POU3F3: variants seen among roughly 807,000 people sequenced by gnomAD.
The protein encoded by POU3F3 is POU class 3 homeobox 3, also known as POU domain, class 3, transcription factor 3.
Under a neutral mutation model 8.6 loss-of-function variants are expected in POU3F3, and 1 was observed. The observed-to-expected ratio is 0.12, with a 90% CI of 0.04 to 0.55. The LOEUF is 0.55. Among genes scored for constraint, POU3F3 ranks in the 20% least tolerant of loss-of-function variants. The pLI is 0.91. For missense variants in POU3F3, 577 were observed against 690.7 expected (o/e 0.84, Z 1.84); for synonymous variants, 418 against 327.4 (o/e 1.28, Z -2.99).
the POU3F3 span, among the ~76,000 whole-genome samples, chr2:104,922,237 T>C: frequency 5.9e-4 from 89 of 151,868 alleles, no homozygotes; most frequent in Non-Finnish European, 1.0e-3. Context: ...CAATGTCTTG[T>C]TTTCAATTTA....
chr2:104,868,727 G>A, the POU3F3 span, among the ~76,000 whole-genome samples: 2 of 152,182 alleles, frequency 1.3e-5, no homozygotes, highest in Admixed American at 6.5e-5. Context: ...AGAGGAGGGG[G>A]AGGCAATGAG....
At chr2:104,883,844 G>A in the POU3F3 span, among the ~76,000 whole-genome samples, 1 of 152,184 alleles carries the variant, frequency 6.6e-6, no homozygotes, top group Non-Finnish European at 1.5e-5. Context: ...AAGACAGCAT[G>A]TGCTTGGGAT....
rs1424478685 is a variant in POU3F3 at position 104,856,949 on chromosome 2, A to T, written c.1439A>T (p.Gln480Leu). Residue 480 changes from glutamine to leucine, a missense_variant, in exon 1 of 1, where the codon CAG becomes CTG. Gln to Leu is a moderately radical substitution (Grantham distance 113). Transcript: ENST00000361360. ...QQQTPDDVYS[Q>L]VGTVSADTPP... The stretch of plus-strand genomic sequence containing the variant: ...CAGACGCCCGACGACGTCTACTCGC[A>T]GGTGGGCACCGTGAGCGCCGACACG... 6.2e-7 allele frequency: 1 copy of T among 1,612,882 alleles called. No homozygotes were observed. Among genetic ancestry groups the T allele is most frequent in the Non-Finnish European group, 8.5e-7 (1 of 1,179,784 alleles).
At chr2:104,924,901 T>A in the POU3F3 span, among the ~76,000 whole-genome samples, 2 of 152,214 alleles carry the variant, frequency 1.3e-5, no homozygotes, top group Admixed American at 6.5e-5. Context: ...TAGGGTATTA[T>A]GAAAATGGCC....
chr2:104,872,959 T>C, the POU3F3 span, among the ~76,000 whole-genome samples: 1 of 152,138 alleles, frequency 6.6e-6, no homozygotes, highest in Non-Finnish European at 1.5e-5. The surrounding 1 kb of genome is among the most constrained non-coding windows in gnomAD (Gnocchi z 4.6). Flanking sequence ...TAAAATTAGC[T>C]GTCGCATCTG....
At chr2:104,880,613 A>C in the POU3F3 span, among the ~76,000 whole-genome samples, 1 of 152,098 alleles carries the variant, frequency 6.6e-6, no homozygotes, top group Non-Finnish European at 1.5e-5. Flanking sequence ...GTCCATTCTG[A>C]TTTGTTTGCC....
the POU3F3 span, among the ~76,000 whole-genome samples, chr2:104,902,349 G>A: frequency 2.0e-5 from 3 of 152,166 alleles, no homozygotes; most frequent in Middle Eastern, 3.4e-3. Context: ...AGAGCATTTC[G>A]GCATTGCAGA....
At chr2:104,861,772 G>A (rs1422202302), downstream of POU3F3, among the ~76,000 whole-genome samples, 1 of 152,194 alleles carries the variant, frequency 6.6e-6, no homozygotes, top group African/African-American at 2.4e-5. Flanking sequence ...TGTGAGAAGC[G>A]TGGGGCAACC....
chr2:104,890,271 T>C, the POU3F3 span, among the ~76,000 whole-genome samples: 1 of 152,140 alleles, frequency 6.6e-6, no homozygotes, highest in Non-Finnish European at 1.5e-5. Flanking sequence ...CAGAGCCTGT[T>C]AGCAGGACTC....
Position 104,855,901 on chromosome 2 carries a change from G to A in POU3F3, c.391G>A (p.Gly131Ser). The change falls in exon 1 of 1, where the codon GGC becomes AGC. Residue 131 changes from glycine to serine, a missense_variant. This residue lies in a region of POU3F3 where 484 missense variants were observed against 422.6 expected (regional missense o/e 1.15). Coordinates refer to ENST00000361360, the MANE Select transcript of POU3F3 (RefSeq NM_006236.3). ...GTCGGGCAGCGCCGTGGGCATGGCT[G>A]GCAGCCCCCAGCAGCCACCGCAGCC... is the stretch of plus-strand genomic sequence containing the variant. Reference protein sequence around the residue: ...PWSGSAVGMAGSPQQPPQPPP... With the variant: ...PWSGSAVGMASSPQQPPQPPP... 2 of 1,062,424 alleles carry A rather than the reference G, an allele frequency of 1.9e-6. No individual in the cohort carries two copies. The highest frequency in any genetic ancestry group is 3.2e-5 in the South Asian group (1 of 31,288). 65.8% of individuals were successfully genotyped at this position (1,062,424 alleles called of 1,614,324 possible). A position where few individuals can be genotyped will look rare whatever the true frequency, so the allele number is the denominator to read the frequency against.
chr2:104,865,330 A>C, the POU3F3 span: 2 of 152,362 alleles, frequency 1.3e-5, no homozygotes, highest in Middle Eastern at 6.8e-3. Flanking sequence ...TGAAAAGTGC[A>C]GAATACACCT....
the POU3F3 span, chr2:104,868,236 C>T: frequency 8.8e-6 from 4 of 456,320 alleles, no homozygotes; most frequent in South Asian, 4.6e-5. Flanking sequence ...TGGCACCTCG[C>T]GGTCTCAGGA....
the POU3F3 span, among the ~76,000 whole-genome samples, chr2:104,899,193 C>T: frequency 3.9e-5 from 6 of 152,188 alleles, no homozygotes; most frequent in African/African-American, 1.4e-4. Flanking sequence ...AGCACATAAG[C>T]GACGGATCGG....
At chr2:104,879,841 C>T in the POU3F3 span, among the ~76,000 whole-genome samples, 2 of 152,216 alleles carry the variant, frequency 1.3e-5, no homozygotes, top group African/African-American at 2.4e-5. Flanking sequence ...TGTCTTCCTG[C>T]AGCATCTCTT....
chr2:104,891,673 G>A, the POU3F3 span, among the ~76,000 whole-genome samples: 2 of 152,186 alleles, frequency 1.3e-5, no homozygotes, highest in South Asian at 4.1e-4. Flanking sequence ...TGGTGTGGGG[G>A]CAGAGAAGGC....
rs1340331941 is a variant in POU3F3, at chr2:104,857,923, G to C, written c.*910G>C. 4 of 151,958 alleles carry C rather than the reference G, an allele frequency of 2.6e-5. No homozygotes were observed. The highest frequency in any genetic ancestry group is 1.9e-4 in the East Asian group (1 of 5,198). 9.4% of individuals were successfully genotyped at this position (151,958 alleles called of 1,614,324 possible). A position where few individuals can be genotyped will look rare whatever the true frequency, so the allele number is the denominator to read the frequency against. ...AGTGGCGAGAGGCCCCGGCCGAGTC[G>C]GGTCGCGGGCGGGCGGGCGAACTGG... On this transcript the variant is annotated 3_prime_UTR_variant, in exon 1 of 1. Coordinates refer to ENST00000361360, the MANE Select transcript of POU3F3 (RefSeq NM_006236.3).
Position 104,855,918 on chromosome 2 carries a change from ACCGCAGCCG to A in POU3F3, c.413_421del (p.Gln138_Pro140del), listed in dbSNP as rs1239052261. On this transcript the variant is annotated inframe_deletion, in exon 1 of 1. Coordinates refer to ENST00000361360, the MANE Select transcript of POU3F3 (RefSeq NM_006236.3). ...GCATGGCTGGCAGCCCCCAGCAGCC[ACCGCAGCCG>A]CCGCCGCCACCGCCGCAGGGCCCCG... 2.6e-5 allele frequency: 27 copies of A among 1,057,438 alleles called. No homozygotes were observed. Among genetic ancestry groups the A allele is most frequent in the Non-Finnish European group, 3.1e-5 (27 of 879,262 alleles). The allele number at this position is 1,057,438 out of a possible 1,614,324, so 65.5% of individuals were successfully genotyped here.
chr2:104,875,756 G>A, the POU3F3 span, among the ~76,000 whole-genome samples: 6 of 152,036 alleles, frequency 3.9e-5, no homozygotes, highest in East Asian at 3.9e-4. Flanking sequence ...TCGCTCTGTC[G>A]CCCAGGCTGG....
chr2:104,855,818 ACGCCGCCGCCGCCGCCGC>A lies in POU3F3; in HGVS notation c.312_329del (p.Ala110_Ala115del). ...CACCAGTGGGTCACAGCCCTGCCCC[ACGCCGCCGCCGCCGCCGC>A]CGCTGCCGCCGCCGCCGCCGTGGAG... On this transcript the variant is annotated inframe_deletion, in exon 1 of 1. Transcript: ENST00000361360. 1.8e-6 allele frequency: 2 copies of A among 1,123,414 alleles called. No individual in the cohort carries two copies. Among genetic ancestry groups the A allele is most frequent in the South Asian group, 2.3e-5 (1 of 43,268 alleles). 69.6% of individuals were successfully genotyped at this position (1,123,414 alleles called of 1,614,324 possible).
Sources: gnomAD v4.1 joint callset for allele counts (sites outside exome capture counted in the v4.1 genomes callset) on GRCh38, gnomAD v4.1.1 for gene constraint, gnomAD v4.1.1 regional missense constraint, Gnocchi (gnomAD v3.1) non-coding constraint, MANE v1.5 for transcripts, NCBI Gene and HGNC (gene_info 2026-07-23, HGNC 2026-07-21) for gene names.